The following SUPT3H variants were observed in gnomAD, a reference collection of about 807,000 sequenced individuals.
SUPT3H encodes SPT3 homolog, SAGA and STAGA complex component.
A neutral mutation model predicts 44.3 loss-of-function variants in SUPT3H; 44 were observed. The observed-to-expected ratio is 0.99, with a 90% CI of 0.78 to 1.28. The LOEUF is 1.28. SUPT3H is among the 50% of genes most tolerant of loss of function. The pLI, the probability that SUPT3H is intolerant of heterozygous loss-of-function variation, is 0.00. For synonymous variants in SUPT3H, 124 were observed against 125.6 expected (o/e 0.99, Z 0.09); for missense variants, 380 against 387.1 (o/e 0.98, Z 0.15).
At chr6:45,312,464 G>A (rs192863084) in intron 2 of SUPT3H, among the ~76,000 whole-genome samples, 297 of 147,668 alleles carry the variant, frequency 2.0e-3, no homozygotes, top group African/African-American at 7.0e-3. Flanking sequence ...GCAGTGAGCC[G>A]AGATCGTGCC....
At chr6:44,847,364 G>A (rs1446835703) in intron 10 of SUPT3H, among the ~76,000 whole-genome samples, 2 of 152,132 alleles carry the variant, frequency 1.3e-5, no homozygotes, top group Non-Finnish European at 1.5e-5. Flanking sequence ...CAGGGAACAA[G>A]AATTGTGAAA....
At chr6:45,275,033 T>C (rs1317433706) in intron 2 of SUPT3H, among the ~76,000 whole-genome samples, 1 of 152,206 alleles carries the variant, frequency 6.6e-6, no homozygotes, top group Non-Finnish European at 1.5e-5. Context: ...CTGAGATAAA[T>C]TTCCCTGAAA....
intron 3 of SUPT3H, among the ~76,000 whole-genome samples, chr6:45,084,515 A>G (rs1046159303): frequency 6.6e-6 from 1 of 152,190 alleles, no homozygotes; most frequent in African/African-American, 2.4e-5. Flanking sequence ...CACTGCTGGT[A>G]GGAATGTAAA....
intron 5 of SUPT3H, among the ~76,000 whole-genome samples, chr6:45,006,964 A>T (rs1415056387): frequency 6.6e-6 from 1 of 152,052 alleles, no homozygotes; most frequent in Non-Finnish European, 1.5e-5. Flanking sequence ...GGATCTATGG[A>T]TGATTTACTT....
At chr6:44,822,191 C>T (rs138888270), downstream of SUPT3H, among the ~76,000 whole-genome samples, 324 of 152,246 alleles carry the variant, frequency 2.1e-3, 1 homozygote, top group African/African-American at 7.5e-3. Flanking sequence ...TTGGGGCCTG[C>T]AGACTACATG....
At chr6:45,057,987 CA>C (rs1221944648) in intron 3 of SUPT3H, among the ~76,000 whole-genome samples, 1 of 152,116 alleles carries the variant, frequency 6.6e-6, no homozygotes, top group Non-Finnish European at 1.5e-5. Flanking sequence ...TAGTTATACA[CA>C]TGAAACAATG....
At chr6:45,130,428 G>A (rs2153583779) in intron 2 of SUPT3H, among the ~76,000 whole-genome samples, 1 of 152,110 alleles carries the variant, frequency 6.6e-6, no homozygotes, top group African/African-American at 2.4e-5. Context: ...AAATTCAGCT[G>A]ATGGACCTTT....
chr6:45,061,875 G>A (rs1792122800), intron 3 of SUPT3H, among the ~76,000 whole-genome samples: 1 of 136,676 alleles, frequency 7.3e-6, no homozygotes, highest in Non-Finnish European at 1.6e-5. Flanking sequence ...GGTACAGCCA[G>A]TTTTTTATCC....
intron 2 of SUPT3H, among the ~76,000 whole-genome samples, chr6:45,152,219 C>T (rs1562560479): frequency 6.6e-6 from 1 of 152,142 alleles, no homozygotes; most frequent in African/African-American, 2.4e-5. Flanking sequence ...TTGGCACCAC[C>T]ATTCCCAATT....
intron 2 of SUPT3H, among the ~76,000 whole-genome samples, chr6:45,176,597 T>G (rs1205864324): frequency 6.8e-6 from 1 of 147,018 alleles, no homozygotes; most frequent in African/African-American, 2.5e-5. Flanking sequence ...CCTGCCTGCC[T>G]CTGTAGGCTC....
chr6:44,857,265 C>T (rs1007751803), intron 10 of SUPT3H, among the ~76,000 whole-genome samples: 6 of 152,122 alleles, frequency 3.9e-5, no homozygotes, highest in Middle Eastern at 3.4e-3. Flanking sequence ...AAACACAAAG[C>T]GCCATAATGG....
At chr6:45,047,061 C>T (rs1204060773) in intron 3 of SUPT3H, among the ~76,000 whole-genome samples, 4 of 152,082 alleles carry the variant, frequency 2.6e-5, no homozygotes, top group Non-Finnish European at 4.4e-5. Context: ...GTATCTTTGA[C>T]CTTGCTAAAT....
rs73737885 is a variant in SUPT3H at position 45,102,157 on chromosome 6, T to C, written c.186+3765A>G. Reference sequence around the variant, plus strand: ...TGTAATTTCAACAAAAAATTTAATATTATAAAAACTAACAAATATAATGTA... The same window carrying C: ...TGTAATTTCAACAAAAAATTTAATACTATAAAAACTAACAAATATAATGTA... On this transcript the variant is annotated intron_variant, in intron 3 of 10. Transcript: ENST00000371459. Among the ~76,000 whole-genome samples the C allele has an allele frequency of 6.0e-3, 919 of 152,224 alleles. 14 individuals are homozygous for C. The highest frequency in any genetic ancestry group is 0.021 in the African/African-American group (878 of 41,554).
chr6:45,099,874 A>G (rs1248115231), intron 3 of SUPT3H, among the ~76,000 whole-genome samples: 1 of 152,216 alleles, frequency 6.6e-6, no homozygotes, highest in African/African-American at 2.4e-5. Flanking sequence ...TTCGATGTGC[A>G]AAGAACACCT....
rs536164795 is a variant in SUPT3H at position 44,970,921 on chromosome 6, C to A, written c.505-9093G>T. Among the ~76,000 whole-genome samples the A allele has an allele frequency of 2.4e-4, 37 of 152,240 alleles. 1 individual carries two copies. The South Asian group carries it at 7.5e-3, about 31-fold the overall frequency. ...ATTCTCAAGTAGTCAAATATGCACACTTTATGGAGTCTGGCTTTACTTACA... is the reference window on the plus strand; with the variant it reads ...ATTCTCAAGTAGTCAAATATGCACAATTTATGGAGTCTGGCTTTACTTACA... On this transcript the variant is annotated intron_variant, in intron 6 of 10. Transcript: ENST00000371459.
At chr6:45,029,074 G>A (rs958353935) in intron 3 of SUPT3H, among the ~76,000 whole-genome samples, 3 of 151,694 alleles carry the variant, frequency 2.0e-5, no homozygotes, top group East Asian at 1.9e-4. Flanking sequence ...GGTATTTGAC[G>A]TAGTATTTTC....
chr6:45,231,369 T>A (rs1044716130), intron 2 of SUPT3H, among the ~76,000 whole-genome samples: 4 of 152,198 alleles, frequency 2.6e-5, no homozygotes, highest in Non-Finnish European at 5.9e-5. Flanking sequence ...CTAGATAAGG[T>A]ATGCTTGGCT....
intron 5 of SUPT3H, among the ~76,000 whole-genome samples, chr6:45,004,916 A>G (rs1782489292): frequency 6.6e-6 from 1 of 152,168 alleles, no homozygotes. Context: ...TATGTACCAC[A>G]GCTTTCCAGC....
chr6:45,105,060 T>C (rs1273246868), intron 3 of SUPT3H, among the ~76,000 whole-genome samples: 1 of 151,952 alleles, frequency 6.6e-6, no homozygotes, highest in African/African-American at 2.4e-5. Context: ...AGGATATACA[T>C]ATACTAAACC....
Sources: gnomAD v4.1 joint callset for allele counts (sites outside exome capture counted in the v4.1 genomes callset) on GRCh38, gnomAD v4.1.1 for gene constraint, MANE v1.5 for transcripts, NCBI Gene and HGNC (gene_info 2026-07-23, HGNC 2026-07-21) for gene names.